The following GOLGA6B variants were observed in gnomAD, a reference collection of about 807,000 sequenced individuals.
GOLGA6B encodes golgin A6 family member B.
A neutral mutation model predicts 63.0 loss-of-function variants in GOLGA6B; 11 were observed. The observed-to-expected ratio is 0.17, with a 90% CI of 0.11 to 0.29. The LOEUF (loss-of-function observed/expected upper bound fraction) is 0.29, where lower values mean the gene tolerates loss of function less well. GOLGA6B is among the 10% of genes least tolerant of loss of function. The pLI, the probability that GOLGA6B is intolerant of heterozygous loss-of-function variation, is 1.00. For synonymous variants in GOLGA6B, 46 were observed against 232.6 expected, an observed-to-expected ratio of 0.20 and a Z score of 7.30; for missense variants, 134 against 563.8, an observed-to-expected ratio of 0.24 and a Z score of 7.72.
Position 72,662,342 on chromosome 15 carries a change from G to T in GOLGA6B, c.938G>T (p.Gly313Val), listed in dbSNP as rs1283191602. Reference protein sequence around the residue: ...EAKHLRQEVEGLEGKLQSQVE... With the variant: ...EAKHLRQEVEVLEGKLQSQVE... Reference sequence around the variant, plus strand: ...AAACACCTGAGGCAGGAGGTGGAAGGTCTGGAGGGAAAGCTCCAATCCCAG... The same window carrying T: ...AAACACCTGAGGCAGGAGGTGGAAGTTCTGGAGGGAAAGCTCCAATCCCAG... Residue 313 changes from glycine (G) to valine (V), a missense_variant, in exon 11 of 18, where the codon GGT becomes GTT. Physicochemically the swap from Gly to Val is moderately radical, Grantham distance 109. Transcript: ENST00000421285. The T allele has an allele frequency of 7.2e-6, 10 of 1,390,500 alleles. 3 individuals carry two copies. Among genetic ancestry groups the T allele is most frequent in the Non-Finnish European group, 9.8e-6 (10 of 1,025,192 alleles). The allele number at this position is 1,390,500 out of a possible 1,614,324, so 86.1% of individuals were successfully genotyped here. A position where few individuals can be genotyped will look rare whatever the true frequency, so the allele number is the denominator to read the frequency against.
rs1403215954 is a variant in GOLGA6B at position 72,669,207 on chromosome 15, C to A, written c.*2865C>A. On this transcript the variant is annotated 3_prime_UTR_variant, in exon 18 of 18. Transcript: ENST00000421285. ...AATGAAAACAAGTCAGTTCTAAAACCAAAGCTGATATTTAGAAAATGTGAA... is the reference window on the plus strand; with the variant it reads ...AATGAAAACAAGTCAGTTCTAAAACAAAAGCTGATATTTAGAAAATGTGAA... 6.6e-6 allele frequency among the ~76,000 whole-genome samples: 1 copy of A among 152,146 alleles called. No homozygotes were observed. The highest frequency in any genetic ancestry group is 1.5e-5 in the Non-Finnish European group (1 of 68,020).
chr15:72,664,337 T>C lies in GOLGA6B; in HGVS notation c.1426-99T>C, dbSNP rs967523036. The C allele has an allele frequency of 4.0e-6, 5 of 1,239,318 alleles. No individual in the cohort carries two copies. The African/African-American group carries it at 7.7e-5, about 19-fold the overall frequency. 76.8% of individuals were successfully genotyped at this position (1,239,318 alleles called of 1,614,324 possible). A position where few individuals can be genotyped will look rare whatever the true frequency, so the allele number is the denominator to read the frequency against. ...GGTGGCTGAGATGGCCGGCCAAAAG[T>C]TGCAGGAGACCCAGGGGAGGCAGTT... is the stretch of plus-strand genomic sequence containing the variant. On this transcript the variant is annotated intron_variant, in intron 12 of 17. Transcript: ENST00000421285.
In GOLGA6B at chr15:72,666,221, A is replaced by G. The variant is rs767631643; in HGVS notation, c.1961A>G (p.Tyr654Cys). The change falls in exon 18 of 18, where the codon TAT (tyrosine) becomes TGT (cysteine). Residue 654 changes from tyrosine to cysteine, a missense_variant. Transcript: ENST00000421285. The part of the protein sequence containing the change: ...LGAAGEQDDF[Y>C]EVSLDNNVEP... ...CGCCTCCCTCTCTCTGAAGATTTTT[A>G]TGAAGTGAGCCTGGACAACAACGTG... The G allele has an allele frequency of 5.6e-6, 9 of 1,604,490 alleles. 1 individual carries two copies. In the South Asian group the frequency reaches 9.9e-5, roughly 18 times the overall value.
At position 72,664,357 on chromosome 15, in the gene GOLGA6B, G is replaced by A. The variant is rs563590771; in HGVS notation, c.1426-79G>A. The A allele has an allele frequency of 1.8e-5, 23 of 1,271,232 alleles. 1 individual carries two copies. Among genetic ancestry groups the A allele is most frequent in the Middle Eastern group, 5.4e-4 (2 of 3,734 alleles). 78.7% of individuals were successfully genotyped at this position (1,271,232 alleles called of 1,614,324 possible). A position where few individuals can be genotyped will look rare whatever the true frequency, so the allele number is the denominator to read the frequency against. On this transcript the variant is annotated intron_variant, in intron 12 of 17. Coordinates refer to ENST00000421285, the MANE Select transcript of GOLGA6B (RefSeq NM_018652.5). ...AAAAGTTGCAGGAGACCCAGGGGAGGCAGTTGCTGAGGACGGGGCCCCGAG... is the reference window on the plus strand; with the variant it reads ...AAAAGTTGCAGGAGACCCAGGGGAGACAGTTGCTGAGGACGGGGCCCCGAG...
Position 72,664,267 on chromosome 15 carries a change from C to A in GOLGA6B, c.1426-169C>A, listed in dbSNP as rs1474768336. Among the ~76,000 whole-genome samples, 8 of 130,112 alleles carry A rather than the reference C, an allele frequency of 6.1e-5. 1 individual carries two copies. Among genetic ancestry groups the A allele is most frequent in the African/African-American group, 2.1e-4 (8 of 37,800 alleles). The allele number at this position is 130,112 out of a possible 152,430, so 85.4% of individuals were successfully genotyped here. A position where few individuals can be genotyped will look rare whatever the true frequency, so the allele number is the denominator to read the frequency against. ...TGCACAGGCAGTTACTGCTGCAGACCCAGCTCGTGGACCAGCTGCAGCAGC... is the reference window on the plus strand; with the variant it reads ...TGCACAGGCAGTTACTGCTGCAGACACAGCTCGTGGACCAGCTGCAGCAGC... On this transcript the variant is annotated intron_variant, in intron 12 of 17. Transcript: ENST00000421285.
rs767221442 is a variant in GOLGA6B, at chr15:72,662,384, C to A, written c.980C>A (p.Ala327Asp). ...CAATCCCAGGTGGAAAACAATCAGG[C>A]CTTGAGTCTCCTTAGCAAGGAACAA... ...KLQSQVENNQ[A>D]LSLLSKEQKQ... Residue 327 changes from alanine (A) to aspartate (D), a missense_variant, in exon 11 of 18, where the codon GCC becomes GAC. Physicochemically the swap from Ala to Asp is moderately radical, Grantham distance 126. Transcript: ENST00000421285. 12 of 1,392,318 alleles carry A rather than the reference C, an allele frequency of 8.6e-6. 4 individuals are homozygous for A. The highest frequency in any genetic ancestry group is 1.2e-5 in the Non-Finnish European group (12 of 1,026,232). The allele number at this position is 1,392,318 out of a possible 1,614,324, so 86.2% of individuals were successfully genotyped here.
intron 2 of GOLGA6B, among the ~76,000 whole-genome samples, chr15:72,657,492 G>A (rs2577843): frequency 3.9e-4 from 54 of 138,570 alleles, no homozygotes; most frequent in Middle Eastern, 3.9e-3. Flanking sequence ...CTTCTTCAGC[G>A]TTTCCTTTTC....
In GOLGA6B at chr15:72,666,262, G is replaced by A. The variant is rs1236033505; in HGVS notation, c.2002G>A (p.Ala668Thr). 6.2e-7 allele frequency: 1 copy of A among 1,603,300 alleles called. No individual in the cohort carries two copies. The highest frequency in any genetic ancestry group is 8.5e-7 in the Non-Finnish European group (1 of 1,177,364). The change falls in exon 18 of 18, where the codon GCG (alanine) becomes ACG (threonine). Residue 668 changes from alanine to threonine, a missense_variant. Ala to Thr is a moderately conservative substitution (Grantham distance 58). Transcript: ENST00000421285. Reference sequence around the variant, plus strand: ...CAACAACGTGGAGCCTGCACCAGGAGCGGCCAGGGAGGGTTCTCCCCATGA... The same window carrying A: ...CAACAACGTGGAGCCTGCACCAGGAACGGCCAGGGAGGGTTCTCCCCATGA... ...LDNNVEPAPG[A>T]AREGSPHDNP...
chr15:72,663,654 G>A (rs1277671210), intron 12 of GOLGA6B, among the ~76,000 whole-genome samples: 1 of 127,184 alleles, frequency 7.9e-6, no homozygotes, highest in East Asian at 2.4e-4. Flanking sequence ...CTCCAGCCTG[G>A]GCCACAGAGT....
chr15:72,666,317 T>C lies in GOLGA6B; in HGVS notation c.2057T>C (p.Leu686Pro), dbSNP rs2064639837. Residue 686 changes from leucine to proline, a missense_variant, in exon 18 of 18, where the codon CTG becomes CCG. Transcript: ENST00000421285. ...DNPTVQQIVQ[L>P]SPVMQDT is the part of the protein sequence containing the mutation. Reference sequence around the variant, plus strand: ...CCCACTGTACAGCAGATCGTGCAGCTGTCTCCTGTCATGCAGGACACCTAG... The same window carrying C: ...CCCACTGTACAGCAGATCGTGCAGCCGTCTCCTGTCATGCAGGACACCTAG... The C allele has an allele frequency of 6.4e-7, 1 of 1,565,824 alleles. No homozygotes were observed. Among genetic ancestry groups the C allele is most frequent in the Non-Finnish European group, 8.6e-7 (1 of 1,156,588 alleles).
intron 12 of GOLGA6B, 101 bp from the exon 13 acceptor site, chr15:72,664,335 A>C: frequency 8.1e-7 from 1 of 1,237,336 alleles, no homozygotes; most frequent in East Asian, 2.7e-5. Flanking sequence ...GCCGGCCAAA[A>C]GTTGCAGGAG....
At position 72,664,558 on chromosome 15, in the gene GOLGA6B, G is replaced by C. The variant is rs1412730126; in HGVS notation, c.1501+47G>C. 20 of 1,209,246 alleles carry C rather than the reference G, an allele frequency of 1.7e-5. 1 individual carries two copies. Among genetic ancestry groups the C allele is most frequent in the African/African-American group, 3.0e-5 (2 of 66,012 alleles). 74.9% of individuals were successfully genotyped at this position (1,209,246 alleles called of 1,614,324 possible). ...AAGAGGAGAGAGCCCCAGGAGGAAG[G>C]GGGGACTGTTAGCAGCATAGGATTG... On this transcript the variant is annotated intron_variant, in intron 13 of 17. Coordinates refer to ENST00000421285, the MANE Select transcript of GOLGA6B (RefSeq NM_018652.5).
Position 72,662,296 on chromosome 15 carries a change from G to A in GOLGA6B, c.892G>A (p.Glu298Lys), listed in dbSNP as rs1282204867. 6.5e-6 allele frequency: 9 copies of A among 1,388,850 alleles called. 2 individuals are homozygous for A. In the East Asian group the frequency reaches 1.0e-4, roughly 16 times the overall value. The allele number at this position is 1,388,850 out of a possible 1,614,324, so 86.0% of individuals were successfully genotyped here. A position where few individuals can be genotyped will look rare whatever the true frequency, so the allele number is the denominator to read the frequency against. ...GCCCCCAGCAGTGACCTCTGTGGTG[G>A]AACAGCTACAAGATGAGGCCAAACA... Reference protein sequence around the residue: ...LAPPAVTSVVEQLQDEAKHLR... With the variant: ...LAPPAVTSVVKQLQDEAKHLR... Residue 298 changes from glutamate (E) to lysine (K), a missense_variant, in exon 11 of 18, where the codon GAA becomes AAA. Transcript: ENST00000421285.
At position 72,667,836 on chromosome 15, in the gene GOLGA6B, T is replaced by A. The variant is rs1193525178; in HGVS notation, c.*1494T>A. 8.3e-5 allele frequency among the ~76,000 whole-genome samples: 3 copies of A among 35,978 alleles called. No individual in the cohort carries two copies. The highest frequency in any genetic ancestry group is 1.1e-4 in the African/African-American group (3 of 26,222). The allele number at this position is 35,978 out of a possible 152,430, so 23.6% of individuals were successfully genotyped here. The stretch of plus-strand genomic sequence containing the variant: ...AATGTTTGCGAATGTCCAAGTATTA[T>A]GAGAAAAAGTGTCTATACAATGACA... On this transcript the variant is annotated 3_prime_UTR_variant, in exon 18 of 18. Transcript: ENST00000421285.
rs1219830485 is a variant in GOLGA6B at position 72,667,636 on chromosome 15, CTT to C, written c.*1297_*1298del. 1.3e-5 allele frequency among the ~76,000 whole-genome samples: 2 copies of C among 152,134 alleles called. No homozygotes were observed. The highest frequency in any genetic ancestry group is 4.8e-5 in the African/African-American group (2 of 41,344). ...GTTACTCTGACGTAGGAATTTACTTCTTTTCTTTGAATGGAAAACACTTTAAA... is the reference window on the plus strand; with the variant it reads ...GTTACTCTGACGTAGGAATTTACTTCTTCTTTGAATGGAAAACACTTTAAA... On this transcript the variant is annotated 3_prime_UTR_variant, in exon 18 of 18. Coordinates refer to ENST00000421285, the MANE Select transcript of GOLGA6B (RefSeq NM_018652.5).
rs1309422758 is a variant in GOLGA6B at position 72,662,490 on chromosome 15, A to C, written c.1086A>C (p.Glu362Asp). The C allele has an allele frequency of 1.4e-6, 2 of 1,437,220 alleles. No individual in the cohort carries two copies. Among genetic ancestry groups the C allele is most frequent in the African/African-American group, 3.0e-5 (2 of 67,576 alleles). 89.0% of individuals were successfully genotyped at this position (1,437,220 alleles called of 1,614,324 possible). Reference sequence around the variant, plus strand: ...TGCGGGAGCAGGAGAGACTGTGTGAACAAAACGAGAGGCTTCGGGAGCAGC... The same window carrying C: ...TGCGGGAGCAGGAGAGACTGTGTGACCAAAACGAGAGGCTTCGGGAGCAGC... ...QRVREQERLC[E>D]QNERLREQQK... Residue 362 changes from glutamate to aspartate, a missense_variant, in exon 11 of 18, where the codon GAA (glutamate) becomes GAC (aspartate). Coordinates refer to ENST00000421285, the MANE Select transcript of GOLGA6B (RefSeq NM_018652.5).
At chr15:72,664,415 C>T (rs749799652) in intron 12 of GOLGA6B, 21 bp from the exon 13 acceptor site, 41 of 1,321,524 alleles carry the variant, frequency 3.1e-5, no homozygotes, top group Middle Eastern at 2.5e-4. Context: ...TGCCTTCTCA[C>T]TCTGTTTCCC....
intron 12 of GOLGA6B, among the ~76,000 whole-genome samples, chr15:72,663,827 TGA>T (rs1309337167): frequency 7.9e-6 from 1 of 127,124 alleles, no homozygotes; most frequent in Non-Finnish European, 1.8e-5. Flanking sequence ...GAGGATTGAA[TGA>T]GAGAATACCT....
At chr15:72,659,050 G>C (rs1483934744) in intron 3 of GOLGA6B, among the ~76,000 whole-genome samples, 6 of 122,548 alleles carry the variant, frequency 4.9e-5, no homozygotes, top group African/African-American at 1.1e-4. Flanking sequence ...TTAGCTCTGA[G>C]AGCCTGAGAT....
Sources: allele counts gnomAD v4.1 joint callset (sites outside exome capture counted in the v4.1 genomes callset), GRCh38; gene constraint gnomAD v4.1.1; transcripts MANE v1.5; gene names NCBI Gene and HGNC (gene_info 2026-07-23, HGNC 2026-07-21).